EIF4G3: variants seen among roughly 807,000 people sequenced by gnomAD.
EIF4G3 encodes the protein eukaryotic translation initiation factor 4 gamma 3.
A neutral mutation model predicts 186.4 loss-of-function variants in EIF4G3; 34 were observed. The observed-to-expected ratio is 0.18, with a 90% CI of 0.14 to 0.24. The LOEUF (loss-of-function observed/expected upper bound fraction) is 0.24, where lower values mean the gene tolerates loss of function less well. Among genes scored for constraint, EIF4G3 ranks in the 10% least tolerant of loss-of-function variants. EIF4G3 has a pLI of 1.00. For missense variants in EIF4G3, 1,536 were observed against 1,948.5 expected, an observed-to-expected ratio of 0.79 and a Z score of 3.99; for synonymous variants, 673 against 679.5, an observed-to-expected ratio of 0.99 and a Z score of 0.15.
At chr1:21,157,694 A>C (rs1188024529) in intron 2 of EIF4G3, among the ~76,000 whole-genome samples, 2 of 152,104 alleles carry the variant, frequency 1.3e-5, no homozygotes, top group Non-Finnish European at 2.9e-5. Flanking sequence ...TTACTTAATA[A>C]ATATTTGCTC....
chr1:20,854,677 C>T (rs1233402700), intron 26 of EIF4G3, among the ~76,000 whole-genome samples: 1 of 150,764 alleles, frequency 6.6e-6, no homozygotes, highest in Non-Finnish European at 1.5e-5. Context: ...TACACTCCAG[C>T]CTGGGTGACA....
chr1:20,847,295 A>C (rs2071445936), intron 29 of EIF4G3, among the ~76,000 whole-genome samples: 1 of 152,200 alleles, frequency 6.6e-6, no homozygotes, highest in African/African-American at 2.4e-5. Flanking sequence ...CCCAATGTTA[A>C]TACCTGTTTT....
At chr1:21,121,775 A>C (rs983223647) in intron 2 of EIF4G3, among the ~76,000 whole-genome samples, 7 of 133,792 alleles carry the variant, frequency 5.2e-5, no homozygotes, top group Non-Finnish European at 9.8e-5. Flanking sequence ...ACTCCGTCTC[A>C]AAAAAAAAAA....
At chr1:21,089,047 A>G (rs1437216121) in intron 3 of EIF4G3, 91 bp downstream of exon 3, 1 of 656,046 alleles carries the variant, frequency 1.5e-6, no homozygotes, top group Non-Finnish European at 2.8e-6. Flanking sequence ...AAAATTTGTC[A>G]TGTGTCAATC....
At chr1:20,926,945 C>G (rs200701029) in intron 14 of EIF4G3, among the ~76,000 whole-genome samples, 1 of 150,456 alleles carries the variant, frequency 6.6e-6, no homozygotes, top group Non-Finnish European at 1.5e-5. Context: ...TAAAGTACTA[C>G]GAGTATTTTA....
At chr1:20,983,930 CTGTA>C (rs755647813) in intron 7 of EIF4G3, among the ~76,000 whole-genome samples, 3 of 152,124 alleles carry the variant, frequency 2.0e-5, no homozygotes, top group Non-Finnish European at 4.4e-5. Flanking sequence ...TTTTAACAGT[CTGTA>C]TGTGAAATAT....
chr1:21,156,791 T>C (rs1401124727), intron 2 of EIF4G3, among the ~76,000 whole-genome samples: 1 of 152,026 alleles, frequency 6.6e-6, no homozygotes, highest in Non-Finnish European at 1.5e-5. Context: ...TTGGAAAAAT[T>C]AGGCCGGGCA....
At chr1:20,947,319 G>A (rs2095998316) in intron 13 of EIF4G3, among the ~76,000 whole-genome samples, 1 of 151,654 alleles carries the variant, frequency 6.6e-6, no homozygotes, top group South Asian at 2.1e-4. Context: ...ACTCCATCCT[G>A]GGTGATAGAA....
At chr1:21,023,703 C>G (rs1213929944) in intron 4 of EIF4G3, among the ~76,000 whole-genome samples, 1 of 151,592 alleles carries the variant, frequency 6.6e-6, no homozygotes, top group Non-Finnish European at 1.5e-5. Flanking sequence ...TGAGGAGTGT[C>G]TCTGCCTGGC....
chr1:21,171,972 G>A (rs961116882), intron 2 of EIF4G3, among the ~76,000 whole-genome samples: 1 of 152,024 alleles, frequency 6.6e-6, no homozygotes, highest in South Asian at 2.1e-4. Context: ...GAGATGCACT[G>A]GGAAGGAGAC....
At chr1:21,030,591 T>C (rs145850803) in intron 4 of EIF4G3, among the ~76,000 whole-genome samples, 1 of 152,276 alleles carries the variant, frequency 6.6e-6, no homozygotes, top group East Asian at 1.9e-4. Context: ...AATACATCAG[T>C]AGAGACCAGG....
At chr1:20,825,913 A>G (rs1013979703) in intron 32 of EIF4G3, among the ~76,000 whole-genome samples, 34 of 152,158 alleles carry the variant, frequency 2.2e-4, no homozygotes, top group African/African-American at 8.2e-4. Context: ...GAAGAGGTAC[A>G]AGTCCTCTAC....
chr1:20,838,547 T>C (rs1025905550), intron 30 of EIF4G3, among the ~76,000 whole-genome samples: 5 of 152,224 alleles, frequency 3.3e-5, no homozygotes, highest in East Asian at 1.9e-4. Flanking sequence ...CTGGACTGAA[T>C]TGGAGGCTTC....
chr1:20,843,703 G>A (rs2069581776), intron 29 of EIF4G3, among the ~76,000 whole-genome samples: 1 of 152,090 alleles, frequency 6.6e-6, no homozygotes, highest in African/African-American at 2.4e-5. Context: ...TTGCTACATA[G>A]GTAAATGTGT....
intron 20 of EIF4G3, among the ~76,000 whole-genome samples, chr1:20,869,667 C>T (rs1001721804): frequency 1.3e-5 from 2 of 149,406 alleles, no homozygotes; most frequent in East Asian, 2.0e-4. Flanking sequence ...CCCAGCTATT[C>T]GGGAGGCTGA....
chr1:21,160,563 G>A (rs2097749443), intron 2 of EIF4G3, among the ~76,000 whole-genome samples: 1 of 152,174 alleles, frequency 6.6e-6, no homozygotes. Context: ...AAGTAGTCAA[G>A]GTAATCATCA....
intron 2 of EIF4G3, among the ~76,000 whole-genome samples, chr1:21,150,638 C>T (rs1396610399): frequency 6.6e-6 from 1 of 152,170 alleles, no homozygotes. Flanking sequence ...CAAATTTTAA[C>T]TTGATTTCAC....
chr1:21,053,274 C>G (rs1409776343), intron 3 of EIF4G3, among the ~76,000 whole-genome samples: 2 of 151,192 alleles, frequency 1.3e-5, no homozygotes, highest in Non-Finnish European at 3.0e-5. Context: ...GCAACCGCCC[C>G]GTCTGAGAAG....
intron 4 of EIF4G3, among the ~76,000 whole-genome samples, chr1:21,043,198 C>T (rs2093676337): frequency 6.6e-6 from 1 of 152,160 alleles, no homozygotes; most frequent in African/African-American, 2.4e-5. Flanking sequence ...AATCCTAAAC[C>T]TTTTGCCTTT....
Sources: gnomAD v4.1 joint callset for allele counts (sites outside exome capture counted in the v4.1 genomes callset) on GRCh38, gnomAD v4.1.1 for gene constraint, MANE v1.5 for transcripts, NCBI Gene and HGNC (gene_info 2026-07-23, HGNC 2026-07-21) for gene names.